Variants in ZNF232 observed in about 807,000 individuals in gnomAD.
The protein encoded by ZNF232 is zinc finger protein 232, also known as zinc finger and SCAN domain-containing protein 11.
ZNF232 carries 25 observed loss-of-function variants against 25.2 expected under a neutral mutation model. The observed-to-expected ratio is 0.99, with a 90% CI of 0.72 to 1.39. The LOEUF is 1.39. Ranked by LOEUF, ZNF232 falls within the 40% of genes most tolerant of loss-of-function variation. The probability of loss-of-function intolerance (pLI) is 0.00; values close to 1 mark genes in which losing one functional copy is unlikely to be tolerated. For missense variants in ZNF232, 519 were observed against 520.9 expected (o/e 1.00, Z 0.04); for synonymous variants, 193 against 182.9 (o/e 1.06, Z -0.45).
chr17:5,111,426 G>A (rs1283451575), intron 1 of ZNF232: 1 of 336,594 alleles, frequency 3.0e-6, no homozygotes, highest in East Asian at 5.4e-5. Context: ...GGAAAAACGC[G>A]GAGCTCGCGT....
At chr17:5,118,522 G>C (rs959365278) in intron 1 of ZNF232, among the ~76,000 whole-genome samples, 2 of 152,256 alleles carry the variant, frequency 1.3e-5, no homozygotes, top group Non-Finnish European at 2.9e-5. Flanking sequence ...TAGCGCCACT[G>C]TTTGAGGATG....
chr17:5,112,766 C>T (rs1250486551), upstream of ZNF232, among the ~76,000 whole-genome samples: 3 of 150,752 alleles, frequency 2.0e-5, no homozygotes, highest in Non-Finnish European at 4.4e-5. Context: ...TTTTTTGAGA[C>T]ATGGTGGCCA....
chr17:5,116,779 T>G (rs1373097351), upstream of ZNF232: 1 of 152,236 alleles, frequency 6.6e-6, no homozygotes, highest in East Asian at 1.9e-4. Context: ...AGAGCGTAGT[T>G]TCTTATGTAT....
exon 2 of ZNF232, chr17:5,109,551 G>A (rs752206317): frequency 5.6e-6 from 9 of 1,614,184 alleles, no homozygotes; most frequent in African/African-American, 1.3e-5. Flanking sequence ...CTGCTCCTTC[G>A]TGTGTTTCTC....
intron 1 of ZNF232, 33 bp from the exon 2 acceptor site, chr17:5,109,901 T>A: frequency 6.5e-7 from 1 of 1,549,308 alleles, no homozygotes; most frequent in Non-Finnish European, 8.7e-7. Context: ...TCCTCTTTTT[T>A]TTTTTTAAGA....
upstream of ZNF232, among the ~76,000 whole-genome samples, chr17:5,115,995 G>A (rs1348572746): frequency 6.6e-6 from 1 of 152,246 alleles, no homozygotes; most frequent in African/African-American, 2.4e-5. Context: ...GGGCTGGACG[G>A]CACAAAGGGG....
chr17:5,120,906 G>C (rs1179164091), intron 1 of ZNF232: 2 of 454,454 alleles, frequency 4.4e-6, no homozygotes, highest in Non-Finnish European at 8.8e-6. Context: ...TTGGAAACCA[G>C]TTGGACCAGC....
At chr17:5,121,777 G>T (rs1481507180) in intron 1 of ZNF232, 3 of 153,956 alleles carry the variant, frequency 1.9e-5, no homozygotes, top group South Asian at 1.9e-4. Flanking sequence ...GTACCTGCTG[G>T]GGCGGGCTGG....
At chr17:5,117,205 C>T (rs972579719) in intron 1 of ZNF232, among the ~76,000 whole-genome samples, 1 of 152,256 alleles carries the variant, frequency 6.6e-6, no homozygotes, top group Non-Finnish European at 1.5e-5. Context: ...TTGTAGCACC[C>T]GCTGCTTAAC....
At chr17:5,113,155 C>T (rs1395974003), upstream of ZNF232, among the ~76,000 whole-genome samples, 2 of 152,158 alleles carry the variant, frequency 1.3e-5, no homozygotes. Flanking sequence ...GATATAGTAT[C>T]CTTGAAAATG....
Position 5,108,504 on chromosome 17 carries a change from G to A in ZNF232, c.625+422C>T, listed in dbSNP as rs537022192. Reference sequence around the variant, plus strand: ...CTTTATGGCTTAAAAAGTGTTTTGCGAGGCCTCAGCGAGTTTAAAAAAAAA... The same window carrying A: ...CTTTATGGCTTAAAAAGTGTTTTGCAAGGCCTCAGCGAGTTTAAAAAAAAA... On this transcript the variant is annotated intron_variant, in intron 3 of 3. Coordinates refer to ENST00000575898, the Ensembl canonical transcript of ZNF232. Among the ~76,000 whole-genome samples the A allele has an allele frequency of 5.9e-5, 9 of 151,596 alleles. No homozygotes were observed. In the East Asian group the frequency reaches 9.6e-4, roughly 16 times the overall value.
intron 1 of ZNF232, chr17:5,121,242 A>C: frequency 2.6e-6 from 1 of 381,508 alleles, no homozygotes; most frequent in East Asian, 7.2e-5. Context: ...GTGGGTGCAG[A>C]GGGTCTTTGT....
intron 2 of ZNF232, 126 bp downstream of exon 2, chr17:5,109,268 A>G (rs1174060453): frequency 7.8e-7 from 1 of 1,277,262 alleles, no homozygotes; most frequent in Non-Finnish European, 1.1e-6. Flanking sequence ...ACACAGAAAC[A>G]CATACTAACT....
intron 1 of ZNF232, among the ~76,000 whole-genome samples, chr17:5,110,357 T>C (rs181798866): frequency 1.3e-5 from 2 of 152,096 alleles, no homozygotes. Flanking sequence ...GAAACGGGGA[T>C]GTAAAGTGGT....
upstream of ZNF232, chr17:5,111,977 G>T (rs1597931787): frequency 3.6e-6 from 4 of 1,116,842 alleles, no homozygotes; most frequent in East Asian, 1.1e-4. Flanking sequence ...GCGCTGCCGA[G>T]AGGCTGGGAG....
In ZNF232 at chr17:5,106,042, G is replaced by A. The variant is rs775287931; in HGVS notation, c.1090C>T (p.His364Tyr). 1.9e-5 allele frequency: 31 copies of A among 1,613,916 alleles called. No homozygotes were observed. In the East Asian group the frequency reaches 2.2e-4, roughly 12 times the overall value. Residue 364 changes from histidine (H) to tyrosine (Y), a missense_variant, in exon 4 of 4, where the codon CAT (histidine) becomes TAT (tyrosine). Physicochemically the swap from His to Tyr is moderately conservative, Grantham distance 83. Coordinates refer to ENST00000575898, the Ensembl canonical transcript of ZNF232. Reference sequence around the variant, plus strand: ...TGAATCCTCTGATGCTGAACAAGATGAGCACCCCATCTGAAGGCCTTCCCA... The same window carrying A: ...TGAATCCTCTGATGCTGAACAAGATAAGCACCCCATCTGAAGGCCTTCCCA...
At position 5,120,150 on chromosome 17, in the gene ZNF232, CT is replaced by C. The variant is rs1367793887; in HGVS notation, c.-530+2826del. ...CAGGACACCCGGAAGGTGTTTCCCCCTGGCTTTGAGGCTGGTTATACATTGC... is the reference window on the plus strand; with the variant it reads ...CAGGACACCCGGAAGGTGTTTCCCCCGGCTTTGAGGCTGGTTATACATTGC... On this transcript the variant is annotated intron_variant, in intron 1 of 4. Coordinates refer to the ZNF232 transcript ENST00000250076. 7.9e-5 allele frequency among the ~76,000 whole-genome samples: 12 copies of C among 152,314 alleles called. No homozygotes were observed. In the South Asian group the frequency reaches 2.3e-3, roughly 29 times the overall value.
chr17:5,111,134 T>G (rs1299672649), intron 1 of ZNF232: 1 of 152,310 alleles, frequency 6.6e-6, no homozygotes, highest in Non-Finnish European at 1.5e-5. Context: ...CGATTTCTAG[T>G]CTTGTCCGGT....
chr17:5,111,894 A>C, upstream of ZNF232: 3 of 1,596,938 alleles, frequency 1.9e-6, no homozygotes, highest in Non-Finnish European at 1.7e-6. Flanking sequence ...CGCAGGTCGC[A>C]GCCTCGGCCT....
Sources: allele counts gnomAD v4.1 joint callset (sites outside exome capture counted in the v4.1 genomes callset), GRCh38; gene constraint gnomAD v4.1.1; transcripts MANE v1.5; gene names NCBI Gene and HGNC (gene_info 2026-07-23, HGNC 2026-07-21).